SYNDIG1: variants seen among roughly 807,000 people sequenced by gnomAD.
SYNDIG1 encodes the protein synapse differentiation inducing 1.
Under a neutral mutation model 19.4 loss-of-function variants are expected in SYNDIG1, and 9 were observed. The ratio of observed to expected loss-of-function variants is 0.46; its 90% CI spans 0.28 to 0.81. SYNDIG1 has a LOEUF of 0.81. Among genes scored for constraint, SYNDIG1 ranks in the 30% least tolerant of loss-of-function variants. SYNDIG1 has a pLI of 0.12. For synonymous variants in SYNDIG1, 141 were observed against 145.9 expected (o/e 0.97, Z 0.24); for missense variants, 311 against 343.3 (o/e 0.91, Z 0.74).
At chr20:24,519,457 A>G (rs1253441926) in intron 1 of SYNDIG1, among the ~76,000 whole-genome samples, 2 of 152,194 alleles carry the variant, frequency 1.3e-5, no homozygotes, top group Admixed American at 1.3e-4. Flanking sequence ...GGTACTTAAG[A>G]TCTCATGTTG....
chr20:24,490,277 G>A (rs1182167230), intron 1 of SYNDIG1, among the ~76,000 whole-genome samples: 2 of 152,278 alleles, frequency 1.3e-5, no homozygotes, highest in South Asian at 2.1e-4. Context: ...TCGTCTTTGC[G>A]GCTTCTTGAT....
intron 1 of SYNDIG1, among the ~76,000 whole-genome samples, chr20:24,509,809 G>A (rs34320942): frequency 0.29 from 44,052 of 152,098 alleles, 7,871 homozygotes; most frequent in Non-Finnish European, 0.41. Flanking sequence ...TAGTTTGGAT[G>A]TATGTCCCCA....
At chr20:24,618,366 C>G (rs1242198048) in intron 3 of SYNDIG1, among the ~76,000 whole-genome samples, 3 of 148,716 alleles carry the variant, frequency 2.0e-5, no homozygotes, top group Admixed American at 1.3e-4. Flanking sequence ...GGGGGAGAGC[C>G]TGGGGAAGGG....
intron 2 of SYNDIG1, among the ~76,000 whole-genome samples, chr20:24,564,508 C>G (rs542682946): frequency 3.2e-4 from 49 of 152,316 alleles, no homozygotes; most frequent in African/African-American, 1.1e-3. Context: ...GGCCATGAGG[C>G]TGTAGTGATT....
intron 3 of SYNDIG1, among the ~76,000 whole-genome samples, chr20:24,638,107 T>C (rs4815294): frequency 0.76 from 115,453 of 152,108 alleles, 44,640 homozygotes; most frequent in Non-Finnish European, 0.83. Flanking sequence ...GTTGCCCAAG[T>C]GAAGCGGGCA....
intron 3 of SYNDIG1, among the ~76,000 whole-genome samples, chr20:24,635,308 C>G (rs1230152426): frequency 6.6e-6 from 1 of 152,218 alleles, no homozygotes; most frequent in Non-Finnish European, 1.5e-5. Flanking sequence ...ATTTCTACAC[C>G]TATCTCCTCA....
At chr20:24,526,075 T>G (rs1341175013) in intron 1 of SYNDIG1, among the ~76,000 whole-genome samples, 1 of 152,182 alleles carries the variant, frequency 6.6e-6, no homozygotes, top group Admixed American at 6.5e-5. Context: ...TATATATGTT[T>G]TCCATCCTTT....
At chr20:24,482,863 A>G (rs926424227) in intron 1 of SYNDIG1, among the ~76,000 whole-genome samples, 63 of 152,354 alleles carry the variant, frequency 4.1e-4, no homozygotes, top group African/African-American at 1.5e-3. Flanking sequence ...TTATTCTCTG[A>G]GAGTTTAAAT....
chr20:24,587,661 C>A (rs1339292230), intron 3 of SYNDIG1, among the ~76,000 whole-genome samples: 1 of 152,208 alleles, frequency 6.6e-6, no homozygotes, highest in East Asian at 1.9e-4. Flanking sequence ...GCTGGGAGTG[C>A]GAAGCCCAGG....
At chr20:24,629,221 G>A (rs1037655655) in intron 3 of SYNDIG1, among the ~76,000 whole-genome samples, 5 of 152,186 alleles carry the variant, frequency 3.3e-5, no homozygotes, top group Admixed American at 6.5e-5. Flanking sequence ...TGTGACAGAC[G>A]TGGACATGTC....
chr20:24,479,853 GC>G (rs1372807506), intron 1 of SYNDIG1, among the ~76,000 whole-genome samples: 13 of 152,224 alleles, frequency 8.5e-5, no homozygotes, highest in African/African-American at 3.1e-4. Context: ...AAGATACAAG[GC>G]AAGGCTGTCC....
chr20:24,567,313 A>T (rs1018995940), intron 2 of SYNDIG1, among the ~76,000 whole-genome samples: 8 of 151,706 alleles, frequency 5.3e-5, no homozygotes, highest in African/African-American at 1.9e-4. Flanking sequence ...ATCGGTGCAC[A>T]CTCTCTCCAG....
intron 3 of SYNDIG1, 63 bp downstream of exon 3, chr20:24,585,056 G>GGCCCCC: frequency 1.5e-5 from 8 of 545,616 alleles, no homozygotes; most frequent in Non-Finnish European, 2.4e-5. Context: ...GGTGGGGGCG[G>GGCCCCC]CAATCCCAGC....
In SYNDIG1 at chr20:24,606,142, A is replaced by G. The variant is rs368105806; in HGVS notation, c.618+21149A>G. On this transcript the variant is annotated intron_variant, in intron 3 of 3. Coordinates refer to ENST00000376862, the MANE Select transcript of SYNDIG1 (RefSeq NM_024893.3). ...CCTGGCCAGAGGCTGGGATGATCCA[A>G]CAATGTGCTGGTTGATCACAGAGGC... Among the ~76,000 whole-genome samples, 26 of 152,334 alleles carry G rather than the reference A, an allele frequency of 1.7e-4. No individual in the cohort carries two copies. In the East Asian group the frequency reaches 3.3e-3, roughly 19 times the overall value.
chr20:24,536,542 A>G (rs775929070), intron 1 of SYNDIG1, among the ~76,000 whole-genome samples: 7 of 152,072 alleles, frequency 4.6e-5, no homozygotes, highest in Non-Finnish European at 8.8e-5. Flanking sequence ...CCCCATAGCC[A>G]CCTCTGTGTT....
chr20:24,538,787 C>G (rs941228444), intron 1 of SYNDIG1, among the ~76,000 whole-genome samples: 7 of 147,090 alleles, frequency 4.8e-5, no homozygotes, highest in African/African-American at 1.8e-4. Flanking sequence ...TTTTTTTTAA[C>G]AGTAGCCATC....
chr20:24,581,169 G>C (rs745319381), intron 2 of SYNDIG1, among the ~76,000 whole-genome samples: 1 of 152,136 alleles, frequency 6.6e-6, no homozygotes, highest in Non-Finnish European at 1.5e-5. Context: ...CCCTGGGTGC[G>C]CAGCTGGCAT....
intron 1 of SYNDIG1, among the ~76,000 whole-genome samples, chr20:24,480,857 G>A (rs1413205000): frequency 6.6e-6 from 1 of 152,194 alleles, no homozygotes; most frequent in Non-Finnish European, 1.5e-5. Context: ...ACTATGCTTA[G>A]TGAAATAAGC....
chr20:24,506,829 G>A (rs1457436494), intron 1 of SYNDIG1, among the ~76,000 whole-genome samples: 1 of 152,224 alleles, frequency 6.6e-6, no homozygotes, highest in Non-Finnish European at 1.5e-5. Flanking sequence ...AGCCCTGTGG[G>A]CCCCAGTCAC....
Sources: gnomAD v4.1 joint callset for allele counts (sites outside exome capture counted in the v4.1 genomes callset) on GRCh38, gnomAD v4.1.1 for gene constraint, MANE v1.5 for transcripts, NCBI Gene and HGNC (gene_info 2026-07-23, HGNC 2026-07-21) for gene names.